Variants in SDR9C7 observed in about 807,000 individuals in gnomAD.
The protein encoded by SDR9C7 is short-chain dehydrogenase/reductase family 9C member 7.
In SDR9C7, 11 loss-of-function variants were observed where a neutral mutation model predicts 23.6. The observed-to-expected ratio is 0.47, with a 90% CI of 0.29 to 0.77. The LOEUF is 0.77. SDR9C7 is among the 30% of genes least tolerant of loss of function. SDR9C7 has a pLI of 0.09. For synonymous variants in SDR9C7, 167 were observed against 157.3 expected, an observed-to-expected ratio of 1.06 and a Z score of -0.46; for missense variants, 387 against 407.1, an observed-to-expected ratio of 0.95 and a Z score of 0.42.
Position 56,923,749 on chromosome 12 carries a change from T to A in SDR9C7, c.*84A>T. On this transcript the variant is annotated 3_prime_UTR_variant, in exon 4 of 4. Transcript: ENST00000293502. ...TCCTTTGCAGCCAATGCCCCCAGGA[T>A]AACCGATACCACCTTTTGTGACCCC... is the stretch of plus-strand genomic sequence containing the variant. The A allele has an allele frequency of 1.8e-6, 2 of 1,140,506 alleles. No individual in the cohort carries two copies. The highest frequency in any genetic ancestry group is 2.5e-6 in the Non-Finnish European group (2 of 800,398). The allele number at this position is 1,140,506 out of a possible 1,614,324, so 70.6% of individuals were successfully genotyped here. A position where few individuals can be genotyped will look rare whatever the true frequency, so the allele number is the denominator to read the frequency against.
Position 56,929,459 on chromosome 12 carries a change from T to C in SDR9C7, c.655A>G (p.Met219Val). Residue 219 changes from methionine to valine, a missense_variant, in exon 3 of 4, where the codon ATG (methionine) becomes GTG (valine). By Grantham distance (21) the Met-to-Val change is conservative. Coordinates refer to ENST00000293502, the MANE Select transcript of SDR9C7 (RefSeq NM_148897.3). The stretch of plus-strand genomic sequence containing the variant: ...GGCAGCCTCTCCCAAAGCTTTCGCA[T>C]GCGTGACTCCAGGTTCTCCTTGCCG... ...ILGKENLESR[M>V]RKLWERLPQE... The C allele has an allele frequency of 6.2e-7, 1 of 1,613,934 alleles. No individual in the cohort carries two copies. The highest frequency in any genetic ancestry group is 1.1e-5 in the South Asian group (1 of 91,074).
At chr12:56,931,299 G>A (rs1283379235) in intron 1 of SDR9C7, among the ~76,000 whole-genome samples, 1 of 151,276 alleles carries the variant, frequency 6.6e-6, no homozygotes, top group Non-Finnish European at 1.5e-5. Context: ...TAAAATACAG[G>A]GCAAAGGAGA....
rs140873692 is a variant in SDR9C7, at chr12:56,930,383, C to G, written c.403G>C (p.Val135Leu). 8 of 1,614,182 alleles carry G rather than the reference C, an allele frequency of 5.0e-6. 1 individual carries two copies. The African/African-American group carries it at 8.0e-5, about 16-fold the overall frequency. ...DFVKVINVNL[V>L]GLIEVTLHML... ...TGAAGGGTCACTTCGATCAGTCCCA[C>G]CAGGTTCACATTAATCACCTTCACA... Residue 135 changes from valine to leucine, a missense_variant, in exon 2 of 4, where the codon GTG (valine) becomes CTG (leucine). Coordinates refer to ENST00000293502, the MANE Select transcript of SDR9C7 (RefSeq NM_148897.3).
chr12:56,928,139 T>C (rs1955746116), intron 3 of SDR9C7, among the ~76,000 whole-genome samples: 1 of 152,176 alleles, frequency 6.6e-6, no homozygotes, highest in Admixed American at 6.5e-5. Context: ...TCACCCTTGA[T>C]AGCTTCCTCT....
At chr12:56,932,138 G>T (rs905614750) in intron 1 of SDR9C7, among the ~76,000 whole-genome samples, 1 of 152,186 alleles carries the variant, frequency 6.6e-6, no homozygotes, top group Non-Finnish European at 1.5e-5. Context: ...CATGGGAAAG[G>T]GGAATTAAGG....
Position 56,923,913 on chromosome 12 carries a change from T to C in SDR9C7, c.862A>G (p.Ile288Val). Residue 288 changes from isoleucine to valine, a missense_variant, in exon 4 of 4, where the codon ATC (isoleucine) becomes GTC (valine). Physicochemically the swap from Ile to Val is conservative, Grantham distance 29 (BLOSUM62 3). Transcript: ENST00000293502. The part of the protein sequence containing the change: ...NPGLDAKLLY[I>V]PLAKLPTPVT... ...GGGGTGGGCAACTTAGCCAGAGGGA[T>C]GTAGAGGAGTTTGGCATCCAGGCCA... 1.9e-6 allele frequency: 3 copies of C among 1,614,134 alleles called. No individual in the cohort carries two copies. The highest frequency in any genetic ancestry group is 2.7e-5 in the African/African-American group (2 of 75,042).
chr12:56,925,649 C>T (rs1165360738), intron 3 of SDR9C7, among the ~76,000 whole-genome samples: 1 of 152,186 alleles, frequency 6.6e-6, no homozygotes, highest in African/African-American at 2.4e-5. Context: ...ACAAGAGCCA[C>T]ACTAACTCAA....
intron 2 of SDR9C7, among the ~76,000 whole-genome samples, chr12:56,930,020 C>G (rs1019293523): frequency 1.3e-5 from 2 of 152,186 alleles, no homozygotes; most frequent in Non-Finnish European, 2.9e-5. Context: ...AGGGAAGGCC[C>G]ACCTGATGCC....
At position 56,930,501 on chromosome 12, in the gene SDR9C7, C is replaced by T; in HGVS notation, c.302-17G>A. ...CCCAGAGGCCTGGGGGTGAGATGAACCACACAGAAATCATCAGTGGGCCTG... is the reference window on the plus strand; with the variant it reads ...CCCAGAGGCCTGGGGGTGAGATGAATCACACAGAAATCATCAGTGGGCCTG... On this transcript the variant is annotated splice_polypyrimidine_tract_variant and intron_variant, in intron 1 of 3. Coordinates refer to ENST00000293502, the MANE Select transcript of SDR9C7 (RefSeq NM_148897.3). 6.2e-7 allele frequency: 1 copy of T among 1,612,812 alleles called. No individual in the cohort carries two copies. Among genetic ancestry groups the T allele is most frequent in the Non-Finnish European group, 8.5e-7 (1 of 1,179,396 alleles).
At chr12:56,926,172 A>C (rs1955732644) in intron 3 of SDR9C7, among the ~76,000 whole-genome samples, 1 of 152,180 alleles carries the variant, frequency 6.6e-6, no homozygotes, top group Non-Finnish European at 1.5e-5. Flanking sequence ...GCCTGGTCCT[A>C]GGGGTTACAA....
At chr12:56,925,518 G>A (rs959584883) in intron 3 of SDR9C7, among the ~76,000 whole-genome samples, 3 of 152,176 alleles carry the variant, frequency 2.0e-5, no homozygotes, top group African/African-American at 7.2e-5. Flanking sequence ...GTGGGTGGTT[G>A]GTGAGAATGG....
In SDR9C7 at chr12:56,934,055, GGT is replaced by G; in HGVS notation, c.205_206del (p.Thr69LeufsTer56). Reference sequence around the variant, plus strand: ...GTAGGGTGGTCTGCAGCCGATAGGAGGTATCCCGCTGAAGTTTCTGGGATCCC... The same window carrying G: ...GTAGGGTGGTCTGCAGCCGATAGGAGATCCCGCTGAAGTTTCTGGGATCCC... ...EEGSQKLQRD[T>X]SYRLQTTLLD... On this transcript the variant is annotated frameshift_variant, in exon 1 of 4. Transcript: ENST00000293502. LOFTEE classifies it high-confidence loss of function. 6.2e-7 allele frequency: 1 copy of G among 1,614,224 alleles called. No homozygotes were observed. The highest frequency in any genetic ancestry group is 1.7e-5 in the Admixed American group (1 of 60,036).
At chr12:56,928,546 G>A (rs2136368116) in intron 3 of SDR9C7, among the ~76,000 whole-genome samples, 1 of 152,344 alleles carries the variant, frequency 6.6e-6, no homozygotes, top group East Asian at 1.9e-4. Context: ...GCATACTGCT[G>A]TGTCCGCTCC....
At chr12:56,933,452 G>C (rs563612350) in intron 1 of SDR9C7, among the ~76,000 whole-genome samples, 7 of 151,996 alleles carry the variant, frequency 4.6e-5, no homozygotes, top group Non-Finnish European at 8.8e-5. Context: ...TCCGCCTCCC[G>C]GGTTCAAGTG....
chr12:56,923,809 A>G lies in SDR9C7; in HGVS notation c.*24T>C. Reference sequence around the variant, plus strand: ...CCTTCCTCCCCCACTTCTAGGCTCCACTGACCCATTGATCCTCCCCAGTTT... The same window carrying G: ...CCTTCCTCCCCCACTTCTAGGCTCCGCTGACCCATTGATCCTCCCCAGTTT... On this transcript the variant is annotated 3_prime_UTR_variant, in exon 4 of 4. Coordinates refer to ENST00000293502, the MANE Select transcript of SDR9C7 (RefSeq NM_148897.3). The G allele has an allele frequency of 6.5e-7, 1 of 1,540,380 alleles. No homozygotes were observed. Among genetic ancestry groups the G allele is most frequent in the Non-Finnish European group, 8.9e-7 (1 of 1,128,606 alleles).
At chr12:56,928,197 G>T (rs189947839) in intron 3 of SDR9C7, among the ~76,000 whole-genome samples, 222 of 152,026 alleles carry the variant, frequency 1.5e-3, no homozygotes, top group African/African-American at 5.2e-3. Context: ...AATTTATTCC[G>T]TATACCCCAG....
intron 1 of SDR9C7, among the ~76,000 whole-genome samples, chr12:56,932,657 C>T (rs1217320386): frequency 6.6e-6 from 1 of 152,172 alleles, no homozygotes; most frequent in African/African-American, 2.4e-5. Context: ...AAGACAGAGG[C>T]TCACTCTTGC....
intron 3 of SDR9C7, among the ~76,000 whole-genome samples, chr12:56,927,933 T>C (rs1955744458): frequency 6.6e-6 from 1 of 152,252 alleles, no homozygotes; most frequent in Non-Finnish European, 1.5e-5. Context: ...TAATTTGCAT[T>C]GGATCTTCTG....
At chr12:56,928,049 C>T (rs1056812575) in intron 3 of SDR9C7, among the ~76,000 whole-genome samples, 1 of 152,204 alleles carries the variant, frequency 6.6e-6, no homozygotes, top group African/African-American at 2.4e-5. Context: ...GTACTCCAAA[C>T]ATTTTTCCCT....
Sources: allele counts gnomAD v4.1 joint callset (sites outside exome capture counted in the v4.1 genomes callset), GRCh38; gene constraint gnomAD v4.1.1; transcripts MANE v1.5; gene names NCBI Gene and HGNC (gene_info 2026-07-23, HGNC 2026-07-21).